Variants in KLF12 observed in about 807,000 individuals in gnomAD.
KLF12 encodes KLF transcription factor 12, also known as Krueppel-like factor 12.
Under a neutral mutation model 37.8 loss-of-function variants are expected in KLF12, and 9 were observed. The ratio of observed to expected loss-of-function variants is 0.24; its 90% CI spans 0.14 to 0.42. The LOEUF is 0.42. KLF12 is among the 10% of genes least tolerant of loss of function. The pLI is 1.00. For missense variants in KLF12, 411 were observed against 516.0 expected, an observed-to-expected ratio of 0.80 and a Z score of 1.97; for synonymous variants, 208 against 202.1, an observed-to-expected ratio of 1.03 and a Z score of -0.25.
At chr13:74,190,791 A>T in the KLF12 span, among the ~76,000 whole-genome samples, 17 of 152,338 alleles carry the variant, frequency 1.1e-4, no homozygotes, top group Admixed American at 9.2e-4. Flanking sequence ...TGATGGAAGT[A>T]ACCCCGGCTA....
chr13:74,042,659 A>G (rs1381325865), intron 1 of KLF12, among the ~76,000 whole-genome samples: 4 of 152,208 alleles, frequency 2.6e-5, no homozygotes, highest in African/African-American at 7.2e-5. Context: ...CTTAACATCA[A>G]TTAAGACAGA....
At chr13:74,158,112 T>G in the KLF12 span, among the ~76,000 whole-genome samples, 1 of 152,180 alleles carries the variant, frequency 6.6e-6, no homozygotes, top group Non-Finnish European at 1.5e-5. Context: ...TGTTTGGGCT[T>G]GACTGAGAGA....
the KLF12 span, among the ~76,000 whole-genome samples, chr13:74,246,358 T>G: frequency 2.0e-5 from 3 of 152,192 alleles, no homozygotes; most frequent in Non-Finnish European, 4.4e-5. Flanking sequence ...TCTACCCTAC[T>G]TTTCTGTCTT....
At chr13:73,709,615 TC>T (rs1371797786) in intron 7 of KLF12, among the ~76,000 whole-genome samples, 4 of 152,226 alleles carry the variant, frequency 2.6e-5, no homozygotes, top group Non-Finnish European at 5.9e-5. Context: ...TCACTTTTTT[TC>T]TTTCTAAAAA....
At chr13:74,097,536 C>A (rs1876047345) in intron 1 of KLF12, among the ~76,000 whole-genome samples, 1 of 152,108 alleles carries the variant, frequency 6.6e-6, no homozygotes, top group Admixed American at 6.6e-5. Context: ...GTAGGGTATA[C>A]AACCCTGGCC....
chr13:74,108,414 C>G (rs913624470), intron 1 of KLF12, among the ~76,000 whole-genome samples: 17 of 151,988 alleles, frequency 1.1e-4, no homozygotes, highest in Non-Finnish European at 1.9e-4. Flanking sequence ...TCTTTAAGAG[C>G]AAGAAATAAA....
chr13:74,227,797 T>C, the KLF12 span, among the ~76,000 whole-genome samples: 1 of 152,154 alleles, frequency 6.6e-6, no homozygotes, highest in Admixed American at 6.6e-5. Flanking sequence ...CCTTTAGAAG[T>C]TCCCGATTTC....
chr13:74,114,420 C>A (rs1877165058), intron 1 of KLF12, among the ~76,000 whole-genome samples: 1 of 151,942 alleles, frequency 6.6e-6, no homozygotes, highest in Non-Finnish European at 1.5e-5. Context: ...GGGAAATAAA[C>A]AAAATTCTAG....
intron 5 of KLF12, among the ~76,000 whole-genome samples, chr13:73,789,472 C>G (rs996017083): frequency 5.9e-5 from 9 of 152,090 alleles, no homozygotes; most frequent in African/African-American, 2.2e-4. Context: ...AGAAAACGTT[C>G]TGGACATCAT....
intron 6 of KLF12, among the ~76,000 whole-genome samples, chr13:73,738,359 T>A (rs1051378877): frequency 6.6e-6 from 1 of 151,116 alleles, no homozygotes; most frequent in Admixed American, 6.6e-5. Context: ...ATAAAGTTGA[T>A]CAGGCTGGTC....
At chr13:73,792,811 A>C (rs1223180262) in intron 5 of KLF12, among the ~76,000 whole-genome samples, 5 of 152,228 alleles carry the variant, frequency 3.3e-5, no homozygotes, top group African/African-American at 7.2e-5. Context: ...TTTCTAATGA[A>C]AGTTTATATT....
At chr13:74,038,487 G>C (rs1483154980) in intron 1 of KLF12, among the ~76,000 whole-genome samples, 3 of 152,168 alleles carry the variant, frequency 2.0e-5, no homozygotes, top group Non-Finnish European at 2.9e-5. Context: ...GGAGGGAAGA[G>C]AAGGTACAAT....
intron 4 of KLF12, among the ~76,000 whole-genome samples, chr13:73,843,612 A>G (rs1368192238): frequency 1.3e-5 from 2 of 152,102 alleles, no homozygotes; most frequent in Admixed American, 1.3e-4. Context: ...TGGCCTATAC[A>G]TTATGTTCCT....
intron 6 of KLF12, among the ~76,000 whole-genome samples, chr13:73,724,862 T>G (rs1285056426): frequency 6.6e-6 from 1 of 152,198 alleles, no homozygotes; most frequent in East Asian, 1.9e-4. Context: ...TTTCCAATGA[T>G]GTTGTAGAAA....
chr13:74,126,559 T>A (rs962062336), intron 1 of KLF12, among the ~76,000 whole-genome samples: 3 of 152,222 alleles, frequency 2.0e-5, no homozygotes, highest in African/African-American at 7.2e-5. Context: ...CTCAATTTTA[T>A]ATCAAGATAA....
At chr13:74,034,194 C>G (rs1356454081) in intron 1 of KLF12, among the ~76,000 whole-genome samples, 2 of 152,106 alleles carry the variant, frequency 1.3e-5, no homozygotes, top group Non-Finnish European at 2.9e-5. Context: ...TCCCAAGTAG[C>G]TGGGATTAGA....
the KLF12 span, among the ~76,000 whole-genome samples, chr13:74,279,998 G>C: frequency 0.017 from 2,662 of 152,214 alleles, 77 homozygotes; most frequent in African/African-American, 0.059. Flanking sequence ...CTGGACAATG[G>C]GACAAGGAAG....
chr13:73,784,854 T>A (rs1027119408), intron 5 of KLF12, among the ~76,000 whole-genome samples: 1 of 152,036 alleles, frequency 6.6e-6, no homozygotes, highest in East Asian at 1.9e-4. Flanking sequence ...GCCAGGATGG[T>A]CTCAATCTCC....
chr13:73,970,223 T>G (rs1285945110), intron 2 of KLF12, among the ~76,000 whole-genome samples: 2 of 152,214 alleles, frequency 1.3e-5, no homozygotes, highest in Non-Finnish European at 2.9e-5. Flanking sequence ...TTCCTCCTTG[T>G]GTGACCAATT....
Sources: gnomAD v4.1 joint callset for allele counts (sites outside exome capture counted in the v4.1 genomes callset) on GRCh38, gnomAD v4.1.1 for gene constraint, MANE v1.5 for transcripts, NCBI Gene and HGNC (gene_info 2026-07-23, HGNC 2026-07-21) for gene names.